Variants in ZNF263 observed in about 807,000 individuals in gnomAD.
ZNF263 encodes the protein zinc finger protein FPM315.
Under a neutral mutation model 63.1 loss-of-function variants are expected in ZNF263, and 49 were observed. The ratio of observed to expected loss-of-function variants is 0.78; its 90% CI spans 0.62 to 0.99. The LOEUF is 0.99. ZNF263 is among the 50% of genes least tolerant of loss of function. The pLI, the probability that ZNF263 is intolerant of heterozygous loss-of-function variation, is 0.00. For missense variants in ZNF263, 872 were observed against 854.8 expected, an observed-to-expected ratio of 1.02 and a Z score of -0.25; for synonymous variants, 352 against 324.2, an observed-to-expected ratio of 1.09 and a Z score of -0.92.
At position 3,283,741 on chromosome 16, in the gene ZNF263, C is replaced by A. The variant is rs1182207603; in HGVS notation, c.-78C>A. ...GGCCCCGGGCTCCTGCTGGCGCCGT[C>A]CAACCTTACATGGGTTCAGGGCGCC... On this transcript the variant is annotated 5_prime_UTR_variant, in exon 1 of 6. Transcript: ENST00000219069. 7.0e-7 allele frequency: 1 copy of A among 1,429,966 alleles called. No individual in the cohort carries two copies. Among genetic ancestry groups the A allele is most frequent in the African/African-American group, 1.4e-5 (1 of 69,186 alleles). The allele number at this position is 1,429,966 out of a possible 1,614,324, so 88.6% of individuals were successfully genotyped here.
At position 3,285,759 on chromosome 16, in the gene ZNF263, T is replaced by A; in HGVS notation, c.642+5T>A. 4 of 1,614,078 alleles carry A rather than the reference T, an allele frequency of 2.5e-6. No homozygotes were observed. The highest frequency in any genetic ancestry group is 2.5e-6 in the Non-Finnish European group (3 of 1,179,972). ...AAGGAGATGACTGGGCCCCAGGTGA[T>A]GTGGAAGTTTCCATTGTCTCCCCCC... On this transcript the variant is annotated splice_donor_5th_base_variant and intron_variant, in intron 3 of 5. Coordinates refer to ENST00000219069, the MANE Select transcript of ZNF263 (RefSeq NM_005741.5).
Position 3,290,832 on chromosome 16 carries a change from G to A in ZNF263, c.*274G>A, listed in dbSNP as rs373279661. Reference sequence around the variant, plus strand: ...TGCCCCAGGGTGCTCCTACCCTCTTGGTCTTTTTAAAGCCAAGGTGCGATT... The same window carrying A: ...TGCCCCAGGGTGCTCCTACCCTCTTAGTCTTTTTAAAGCCAAGGTGCGATT... On this transcript the variant is annotated 3_prime_UTR_variant, in exon 6 of 6. Coordinates refer to ENST00000219069, the MANE Select transcript of ZNF263 (RefSeq NM_005741.5). 35 of 1,184,546 alleles carry A rather than the reference G, an allele frequency of 3.0e-5. 1 individual carries two copies. The East Asian group carries it at 5.3e-4, about 18-fold the overall frequency. 73.4% of individuals were successfully genotyped at this position (1,184,546 alleles called of 1,614,324 possible). A position where few individuals can be genotyped will look rare whatever the true frequency, so the allele number is the denominator to read the frequency against.
chr16:3,288,361 T>C (rs558127078), intron 4 of ZNF263, 93 bp from the exon 5 acceptor site: 537 of 885,992 alleles, frequency 6.1e-4, no homozygotes, highest in Non-Finnish European at 8.4e-4. Context: ...GAGCATTCTG[T>C]ATTTATCCAC....
At chr16:3,296,485 C>T (rs1222276387) in intron 1 of ZNF263, among the ~76,000 whole-genome samples, 2 of 152,094 alleles carry the variant, frequency 1.3e-5, no homozygotes, top group Non-Finnish European at 1.5e-5. Flanking sequence ...TCGCCCTCAC[C>T]CAACCCCAGC....
chr16:3,289,931 C>A lies in ZNF263; in HGVS notation c.1425C>A (p.Ser475=). ...NICGKCFSCN[S]NLHRHQRTHT... Reference sequence around the variant, plus strand: ...GCGGAAAATGTTTCTCCTGCAACTCCAACCTCCACAGGCACCAGAGAACGC... The same window carrying A: ...GCGGAAAATGTTTCTCCTGCAACTCAAACCTCCACAGGCACCAGAGAACGC... Residue 475 remains serine, a synonymous_variant, in exon 6 of 6, where the codon TCC becomes TCA. Coordinates refer to ENST00000219069, the MANE Select transcript of ZNF263 (RefSeq NM_005741.5). 6.2e-7 allele frequency: 1 copy of A among 1,614,166 alleles called. No homozygotes were observed. Among genetic ancestry groups the A allele is most frequent in the East Asian group, 2.2e-5 (1 of 44,874 alleles).
chr16:3,291,483 G>A (rs1012589247), downstream of ZNF263: 31 of 985,340 alleles, frequency 3.1e-5, no homozygotes, highest in Middle Eastern at 1.0e-3. Context: ...TTCAATGAAA[G>A]CCTCTGTCTA....
downstream of ZNF263, among the ~76,000 whole-genome samples, chr16:3,295,045 C>A (rs547247108): frequency 1.4e-3 from 217 of 152,304 alleles, no homozygotes; most frequent in Non-Finnish European, 2.8e-3. Flanking sequence ...AGCCCCAGCA[C>A]CCGGCGCAAG....
chr16:3,291,046 C>G lies in ZNF263; in HGVS notation c.*488C>G. ...ACAAAAGACTGGTTGTGAGTTGCAG[C>G]TGTCCCGAAGGCCCCAGTTGGGAAG... On this transcript the variant is annotated 3_prime_UTR_variant, in exon 6 of 6. Coordinates refer to ENST00000219069, the MANE Select transcript of ZNF263 (RefSeq NM_005741.5). 1 of 995,012 alleles carries G rather than the reference C, an allele frequency of 1.0e-6. No individual in the cohort carries two copies. Among genetic ancestry groups the G allele is most frequent in the Non-Finnish European group, 1.2e-6 (1 of 834,552 alleles). 61.6% of individuals were successfully genotyped at this position (995,012 alleles called of 1,614,324 possible). A position where few individuals can be genotyped will look rare whatever the true frequency, so the allele number is the denominator to read the frequency against.
intron 4 of ZNF263, 80 bp downstream of exon 4, chr16:3,286,229 A>G: frequency 1.3e-6 from 2 of 1,498,036 alleles, no homozygotes; most frequent in South Asian, 2.9e-5. Context: ...CCTCCTGGAC[A>G]CAGACTCTGA....
At chr16:3,300,413 T>C in intron 2 of ZNF263, 3 of 1,614,216 alleles carry the variant, frequency 1.9e-6, no homozygotes, top group Non-Finnish European at 2.5e-6. Flanking sequence ...CTCTTTCTCT[T>C]CTCAGCCCCT....
rs1324089619 is a variant in ZNF263, at chr16:3,291,307, G to C, written c.*749G>C. 1.0e-6 allele frequency: 1 copy of C among 985,254 alleles called. No homozygotes were observed. Among genetic ancestry groups the C allele is most frequent in the Non-Finnish European group, 1.2e-6 (1 of 829,922 alleles). 61.0% of individuals were successfully genotyped at this position (985,254 alleles called of 1,614,324 possible). Reference sequence around the variant, plus strand: ...TGTGTGAGAAAAATAAACAGCTCTGGAGTCTTGTTCCTGACTCCAGAGGAA... The same window carrying C: ...TGTGTGAGAAAAATAAACAGCTCTGCAGTCTTGTTCCTGACTCCAGAGGAA... On this transcript the variant is annotated 3_prime_UTR_variant, in exon 6 of 6. Coordinates refer to ENST00000219069, the MANE Select transcript of ZNF263 (RefSeq NM_005741.5).
intron 1 of ZNF263, among the ~76,000 whole-genome samples, chr16:3,297,533 C>G: frequency 7.5e-6 from 1 of 133,508 alleles, no homozygotes; most frequent in Non-Finnish European, 1.5e-5. Flanking sequence ...GGCGCGATCT[C>G]GGCTCACTGC....
rs558147545 is a variant in ZNF263 at position 3,291,104 on chromosome 16, C to T, written c.*546C>T. 2.8e-4 allele frequency: 278 copies of T among 988,088 alleles called. 1 individual carries two copies. The African/African-American group carries it at 3.9e-3, about 14-fold the overall frequency. The allele number at this position is 988,088 out of a possible 1,614,324, so 61.2% of individuals were successfully genotyped here. ...CAGTCCAGATCAAGCCACCACGTGC[C>T]CTACGATGGCCTAACAGGAGTGCCC... is the stretch of plus-strand genomic sequence containing the variant. On this transcript the variant is annotated 3_prime_UTR_variant, in exon 6 of 6. Coordinates refer to ENST00000219069, the MANE Select transcript of ZNF263 (RefSeq NM_005741.5).
At position 3,290,146 on chromosome 16, in the gene ZNF263, C is replaced by T; in HGVS notation, c.1640C>T (p.Pro547Leu). Residue 547 changes from proline to leucine, a missense_variant, in exon 6 of 6, where the codon CCC becomes CTC. Physicochemically the swap from Pro to Leu is moderately conservative, Grantham distance 98 (BLOSUM62 -3). Transcript: ENST00000219069. ...ACTCATGAGAGAGAGAGACTTTACCCCTTCTCTGAGTGTGGGGAAGCTGTG... is the reference window on the plus strand; with the variant it reads ...ACTCATGAGAGAGAGAGACTTTACCTCTTCTCTGAGTGTGGGGAAGCTGTG... ...ERTHERERLY[P>L]FSECGEAVSD... The T allele has an allele frequency of 6.2e-7, 1 of 1,613,972 alleles. No homozygotes were observed. Among genetic ancestry groups the T allele is most frequent in the African/African-American group, 1.3e-5 (1 of 74,984 alleles).
intron 2 of ZNF263, chr16:3,299,583 C>A: frequency 6.5e-7 from 1 of 1,541,750 alleles, no homozygotes; most frequent in South Asian, 1.3e-5. Flanking sequence ...CAAGTTGCTT[C>A]CATCTATACA....
intron 2 of ZNF263, 68 bp downstream of exon 2, chr16:3,285,307 G>A (rs1455064819): frequency 8.1e-6 from 12 of 1,487,378 alleles, no homozygotes; most frequent in East Asian, 7.2e-5. Context: ...ACACTAGCTG[G>A]ATGTAGCAAT....
chr16:3,295,122 C>G (rs994238452), downstream of ZNF263, among the ~76,000 whole-genome samples: 8 of 152,182 alleles, frequency 5.3e-5, no homozygotes, highest in African/African-American at 1.9e-4. Flanking sequence ...CAGAGACTCC[C>G]TTTTCAGGCT....
downstream of ZNF263, among the ~76,000 whole-genome samples, chr16:3,296,270 C>G (rs1054534698): frequency 1.3e-5 from 2 of 152,132 alleles, no homozygotes; most frequent in African/African-American, 4.8e-5. Flanking sequence ...CTTTTGAAAA[C>G]TGGGGTGACT....
At chr16:3,300,735 C>T (rs907335214) in intron 2 of ZNF263, 2 of 1,447,438 alleles carry the variant, frequency 1.4e-6, no homozygotes, top group East Asian at 2.5e-5. Context: ...AAGGCATGGG[C>T]ATTGTATTGG....
Sources: allele counts gnomAD v4.1 joint callset (sites outside exome capture counted in the v4.1 genomes callset), GRCh38; gene constraint gnomAD v4.1.1; transcripts MANE v1.5; gene names NCBI Gene and HGNC (gene_info 2026-07-23, HGNC 2026-07-21).